Variants in CCDC158 observed in about 807,000 individuals in gnomAD.
CCDC158 encodes the protein coiled-coil domain-containing protein 158.
A neutral mutation model predicts 138.6 loss-of-function variants in CCDC158; 116 were observed. That is an observed-to-expected ratio of 0.84 (90% confidence interval 0.72 to 0.98). The LOEUF is 0.98. CCDC158 is among the 50% of genes least tolerant of loss of function. CCDC158 has a pLI of 0.00. For missense variants in CCDC158, 1,265 were observed against 1,306.1 expected (o/e 0.97, Z 0.48); for synonymous variants, 436 against 442.4 (o/e 0.99, Z 0.18).
At chr4:76,319,775 A>G (rs1260358975) in intron 24 of CCDC158, among the ~76,000 whole-genome samples, 1 of 152,036 alleles carries the variant, frequency 6.6e-6, no homozygotes, top group Non-Finnish European at 1.5e-5. Flanking sequence ...CAAAATCGGC[A>G]CAGATGGGAC....
intron 1 of CCDC158, among the ~76,000 whole-genome samples, chr4:76,414,020 C>CCTTGAGGGGG (rs1460347718): frequency 6.6e-6 from 1 of 151,980 alleles, no homozygotes; most frequent in East Asian, 1.9e-4. Context: ...GTGATCCTTC[C>CCTTGAGGGGG]ACCTCAGTCC....
chr4:76,328,420 GGAA>G (rs1188409128), intron 22 of CCDC158, among the ~76,000 whole-genome samples: 5 of 152,204 alleles, frequency 3.3e-5, no homozygotes, highest in Non-Finnish European at 4.4e-5. Context: ...AAGGAGCACT[GGAA>G]GTGTGGGAAA....
chr4:76,332,529 G>A (rs369261366), intron 19 of CCDC158, 38 bp from the exon 20 acceptor site: 12 of 1,448,244 alleles, frequency 8.3e-6, no homozygotes, highest in Non-Finnish European at 1.1e-5. Context: ...ATCATATAAA[G>A]CACAATTTCA....
chr4:76,313,482 G>T (rs569567551), intron 24 of CCDC158, among the ~76,000 whole-genome samples: 1 of 152,206 alleles, frequency 6.6e-6, no homozygotes, highest in African/African-American at 2.4e-5. Flanking sequence ...TAGAGACAGG[G>T]TCTCTCTATG....
At chr4:76,343,652 T>C (rs1414782316) in intron 18 of CCDC158, among the ~76,000 whole-genome samples, 5 of 151,914 alleles carry the variant, frequency 3.3e-5, no homozygotes, top group Non-Finnish European at 5.9e-5. Context: ...AATACAAAAA[T>C]TAGCCAGGTG....
chr4:76,388,729 C>T (rs944617904), intron 4 of CCDC158, among the ~76,000 whole-genome samples: 2 of 152,128 alleles, frequency 1.3e-5, no homozygotes, highest in Non-Finnish European at 2.9e-5. Context: ...TGACCCATCA[C>T]ATTCCCAGTG....
intron 3 of CCDC158, among the ~76,000 whole-genome samples, chr4:76,397,174 T>C (rs1727895923): frequency 6.6e-6 from 1 of 151,934 alleles, no homozygotes; most frequent in African/African-American, 2.4e-5. Context: ...GAAGAGTGTA[T>C]GTGTTTATGT....
intron 12 of CCDC158, 91 bp downstream of exon 12, chr4:76,367,203 T>A (rs2110235177): frequency 7.2e-7 from 1 of 1,382,250 alleles, no homozygotes; most frequent in Non-Finnish European, 9.9e-7. Flanking sequence ...TTTCAGAGTG[T>A]CCACAGATAC....
At chr4:76,414,131 A>G (rs1485225801) in intron 1 of CCDC158, 1 of 151,282 alleles carries the variant, frequency 6.6e-6, no homozygotes, top group African/African-American at 2.4e-5. Context: ...CTGGTCTTGA[A>G]CTCCTGAACT....
chr4:76,369,901 T>C (rs1474456163), intron 10 of CCDC158, among the ~76,000 whole-genome samples: 2 of 152,204 alleles, frequency 1.3e-5, no homozygotes, highest in African/African-American at 4.8e-5. Flanking sequence ...GTCATCCTGT[T>C]TTTAAGTCTT....
At position 76,351,726 on chromosome 4, in the gene CCDC158, A is replaced by G; in HGVS notation, c.2532T>C (p.Asp844=). 6.2e-7 allele frequency: 1 copy of G among 1,602,820 alleles called. No individual in the cohort carries two copies. The highest frequency in any genetic ancestry group is 1.1e-5 in the South Asian group (1 of 90,678). ...ATATTTATGATGACCTTACTTTTATATCCAAAGTGTGTTGAAGTTTTAAGC... is the reference window on the plus strand; with the variant it reads ...ATATTTATGATGACCTTACTTTTATGTCCAAAGTGTGTTGAAGTTTTAAGC... ...SVRLKLQHTL[D]IKELQGPGYT... Residue 844 remains aspartate, a synonymous_variant, in exon 17 of 25, where the codon GAT becomes GAC. Coordinates refer to ENST00000682701, the MANE Select transcript of CCDC158 (RefSeq NM_001394954.1).
At chr4:76,339,277 A>C (rs1010777789) in intron 18 of CCDC158, among the ~76,000 whole-genome samples, 9 of 152,104 alleles carry the variant, frequency 5.9e-5, no homozygotes, top group African/African-American at 2.2e-4. Context: ...GAGAAAGTGA[A>C]GAAGCCCCTT....
At chr4:76,314,185 T>C (rs1719155784) in intron 24 of CCDC158, among the ~76,000 whole-genome samples, 1 of 152,222 alleles carries the variant, frequency 6.6e-6, no homozygotes, top group East Asian at 1.9e-4. Flanking sequence ...AGGCGTCCCA[T>C]CCAGACACTG....
intron 16 of CCDC158, chr4:76,352,802 A>G (rs1354198276): frequency 5.1e-6 from 1 of 197,360 alleles, no homozygotes; most frequent in Non-Finnish European, 1.0e-5. Context: ...TTGGTGGTAA[A>G]TCAGGTGCTC....
chr4:76,401,293 G>A, intron 3 of CCDC158: 2 of 484,448 alleles, frequency 4.1e-6, no homozygotes, highest in Non-Finnish European at 8.2e-6. Flanking sequence ...TCTATAAAAA[G>A]TGTGGCAAGC....
At chr4:76,409,094 A>G (rs1378139922) in intron 2 of CCDC158, among the ~76,000 whole-genome samples, 1 of 152,174 alleles carries the variant, frequency 6.6e-6, no homozygotes, top group African/African-American at 2.4e-5. Flanking sequence ...TCTGTTGCCA[A>G]TGCTGGTAGT....
chr4:76,352,880 G>T, intron 16 of CCDC158: 1 of 369,844 alleles, frequency 2.7e-6, no homozygotes, highest in Non-Finnish European at 4.8e-6. Context: ...TGATCTTACT[G>T]CTCCTGTGAC....
At chr4:76,336,261 T>G (rs1578895384) in intron 18 of CCDC158, among the ~76,000 whole-genome samples, 1 of 150,164 alleles carries the variant, frequency 6.7e-6, no homozygotes, top group Admixed American at 6.6e-5. Flanking sequence ...TCCTATGACA[T>G]TCTTTTATTG....
At chr4:76,329,440 C>A (rs747175359) in intron 21 of CCDC158, among the ~76,000 whole-genome samples, 1 of 151,940 alleles carries the variant, frequency 6.6e-6, no homozygotes, top group Non-Finnish European at 1.5e-5. Context: ...AAAAATTAGC[C>A]GGGCGAGGTG....
Sources: gnomAD v4.1 joint callset for allele counts (sites outside exome capture counted in the v4.1 genomes callset) on GRCh38, gnomAD v4.1.1 for gene constraint, MANE v1.5 for transcripts, NCBI Gene and HGNC (gene_info 2026-07-23, HGNC 2026-07-21) for gene names.